MLEC: variants seen among roughly 807,000 people sequenced by gnomAD.
MLEC encodes the protein oligosaccharyltransferase complex subunit (non-catalytic).
MLEC carries 7 observed loss-of-function variants against 28.7 expected under a neutral mutation model. The observed-to-expected ratio is 0.24, with a 90% CI of 0.14 to 0.46. The LOEUF (loss-of-function observed/expected upper bound fraction) is 0.46, where lower values mean the gene tolerates loss of function less well. Among genes scored for constraint, MLEC ranks in the 20% least tolerant of loss-of-function variants. The probability of loss-of-function intolerance (pLI) is 0.99; values close to 1 mark genes in which losing one functional copy is unlikely to be tolerated. For synonymous variants in MLEC, 142 were observed against 164.4 expected (o/e 0.86, Z 1.04); for missense variants, 237 against 391.1 (o/e 0.61, Z 3.32).
Position 120,694,223 on chromosome 12 carries a change from T to C in MLEC, c.368T>C (p.Leu123Pro). The change falls in exon 2 of 5, where the codon CTG becomes CCG. Residue 123 changes from leucine to proline, a missense_variant. Transcript: ENST00000228506. This position sits in a 1 kb window ranked among gnomAD's most constrained non-coding sequence, Gnocchi z 4.5. ...VPIKEEGDYV[L>P]VLKFAEVYFA... ...ATCAAAGAGGAGGGGGACTACGTGC[T>C]GGTCTTGAAATTTGCAGAGGTCTAC... The C allele has an allele frequency of 6.2e-7, 1 of 1,614,190 alleles. No homozygotes were observed. Among genetic ancestry groups the C allele is most frequent in the Non-Finnish European group, 8.5e-7 (1 of 1,180,030 alleles).
chr12:120,695,725 T>C (rs1882206823), intron 4 of MLEC, among the ~76,000 whole-genome samples: 1 of 152,204 alleles, frequency 6.6e-6, no homozygotes, highest in Admixed American at 6.5e-5. Context: ...CTTTGTGACA[T>C]TTCTCCCCCA....
At chr12:120,691,350 A>G (rs189258359) in intron 1 of MLEC, among the ~76,000 whole-genome samples, 3 of 152,226 alleles carry the variant, frequency 2.0e-5, no homozygotes, top group African/African-American at 7.2e-5. Context: ...ATGCTGTGGG[A>G]TAGGTGGTGT....
chr12:120,695,007 C>G lies in MLEC; in HGVS notation c.591+7C>G. 1 of 1,614,048 alleles carries G rather than the reference C, an allele frequency of 6.2e-7. No homozygotes were observed. Among genetic ancestry groups the G allele is most frequent in the Non-Finnish European group, 8.5e-7 (1 of 1,179,978 alleles). On this transcript the variant is annotated splice_region_variant and intron_variant, in intron 3 of 4. Transcript: ENST00000228506. ...CTACATTGAGTTTGTCAAGGTAATT[C>G]CCCTATTCTGCCCATTGCTGAAGAG...
In MLEC at chr12:120,687,379, G is replaced by A. The variant is rs994519222; in HGVS notation, c.83G>A (p.Gly28Glu). ...LLLLLPPAIRGPGLGVAGVAG... is the reference protein window; with the variant it reads ...LLLLLPPAIREPGLGVAGVAG... ...CTGCTGCTGCCGCCGGCGATCCGGG[G>A]ACCCGGGCTCGGCGTGGCCGGCGTG... Residue 28 changes from glycine to glutamate, a missense_variant, in exon 1 of 5, where the codon GGA (glycine) becomes GAA (glutamate). Transcript: ENST00000228506. This position sits in a 1 kb window ranked among gnomAD's most constrained non-coding sequence, Gnocchi z 8.1. 4.4e-6 allele frequency: 6 copies of A among 1,372,312 alleles called. No individual in the cohort carries two copies. Among genetic ancestry groups the A allele is most frequent in the Non-Finnish European group, 5.6e-6 (6 of 1,063,068 alleles). The allele number at this position is 1,372,312 out of a possible 1,614,324, so 85.0% of individuals were successfully genotyped here.
In MLEC at chr12:120,694,361, C is replaced by A; in HGVS notation, c.414+92C>A. The A allele has an allele frequency of 7.5e-7, 1 of 1,332,470 alleles. No homozygotes were observed. The highest frequency in any genetic ancestry group is 1.0e-6 in the Non-Finnish European group (1 of 961,418). The allele number at this position is 1,332,470 out of a possible 1,614,324, so 82.5% of individuals were successfully genotyped here. The stretch of plus-strand genomic sequence containing the variant: ...GGGGCTAGAGAGTGTGAGAGTCTCT[C>A]CAGAAAGGCAGAACAGATGAGCTCT... On this transcript the variant is annotated intron_variant, in intron 2 of 4. Transcript: ENST00000228506. This position sits in a 1 kb window ranked among gnomAD's most constrained non-coding sequence, Gnocchi z 4.5.
rs1882180718 is a variant in MLEC, at chr12:120,695,102, A to G, written c.599A>G (p.Tyr200Cys). ...KLYIEFVKGY[Y>C]DNPKVCALYI... ...CTGTTTCCCTTTTCCTAGGGGTACTATGACAATCCCAAGGTCTGTGCACTC... is the reference window on the plus strand; with the variant it reads ...CTGTTTCCCTTTTCCTAGGGGTACTGTGACAATCCCAAGGTCTGTGCACTC... The change falls in exon 4 of 5, where the codon TAT becomes TGT. Residue 200 changes from tyrosine to cysteine, a missense_variant. Physicochemically the swap from Tyr to Cys is radical, Grantham distance 194 (BLOSUM62 -2). Coordinates refer to ENST00000228506, the MANE Select transcript of MLEC (RefSeq NM_014730.4). 3.7e-6 allele frequency: 6 copies of G among 1,614,176 alleles called. No homozygotes were observed. The highest frequency in any genetic ancestry group is 5.1e-6 in the Non-Finnish European group (6 of 1,180,034).
chr12:120,693,728 C>T (rs1388063055), intron 1 of MLEC, among the ~76,000 whole-genome samples: 1 of 152,170 alleles, frequency 6.6e-6, no homozygotes, highest in Non-Finnish European at 1.5e-5. Context: ...TGAAGCCCTC[C>T]CTCTTGGGGA....
intron 1 of MLEC, 105 bp from the exon 2 acceptor site, chr12:120,693,986 A>C (rs1338814327): frequency 9.5e-7 from 1 of 1,052,522 alleles, no homozygotes; most frequent in Non-Finnish European, 1.3e-6. Flanking sequence ...TTTTATGGAG[A>C]GGGTTATTAG....
intron 1 of MLEC, among the ~76,000 whole-genome samples, chr12:120,691,582 T>C (rs975875070): frequency 2.6e-5 from 4 of 152,232 alleles, no homozygotes; most frequent in Non-Finnish European, 5.9e-5. Flanking sequence ...GTACACTTCA[T>C]TGTATTTTAG....
Position 120,696,513 on chromosome 12 carries a change from A to G in MLEC, c.847A>G (p.Ile283Val). ...FPILVAFGVF[I>V]PTLFCLCRL ...CATCCTGGTGGCCTTCGGAGTCTTC[A>G]TTCCAACCCTCTTCTGCCTCTGCCG... is the stretch of plus-strand genomic sequence containing the variant. Residue 283 changes from isoleucine to valine, a missense_variant, in exon 5 of 5, where the codon ATT becomes GTT. Physicochemically the swap from Ile to Val is conservative, Grantham distance 29 (BLOSUM62 3). Transcript: ENST00000228506. The surrounding 1 kb of genome is among the most constrained non-coding windows in gnomAD (Gnocchi z 5.4). 1.2e-6 allele frequency: 2 copies of G among 1,614,198 alleles called. No homozygotes were observed.
At position 120,687,591 on chromosome 12, in the gene MLEC, C is replaced by CG; in HGVS notation, c.235+65dup. The CG allele has an allele frequency of 7.7e-7, 1 of 1,306,002 alleles. No homozygotes were observed. The allele number at this position is 1,306,002 out of a possible 1,614,324, so 80.9% of individuals were successfully genotyped here. A position where few individuals can be genotyped will look rare whatever the true frequency, so the allele number is the denominator to read the frequency against. On this transcript the variant is annotated intron_variant, in intron 1 of 4. Transcript: ENST00000228506. This position sits in a 1 kb window ranked among gnomAD's most constrained non-coding sequence, Gnocchi z 8.1. ...GCCTGCTGTGCTGGGCGCAGCCGGC[C>CG]GGGGGCTGCGGGCCCCGAGCCCCTT...
At chr12:120,689,204 GGTGTGTGTGT>G (rs63092860) in intron 1 of MLEC, among the ~76,000 whole-genome samples, 36 of 149,080 alleles carry the variant, frequency 2.4e-4, no homozygotes, top group Admixed American at 2.7e-4. Flanking sequence ...TGATGCAGGT[GGTGTGTGTGT>G]GTGTGTGTGT....
chr12:120,691,883 G>C (rs1346308731), intron 1 of MLEC, among the ~76,000 whole-genome samples: 1 of 152,156 alleles, frequency 6.6e-6, no homozygotes, highest in Non-Finnish European at 1.5e-5. Flanking sequence ...GATTCGGCCT[G>C]GTGTGGTGGC....
Position 120,696,642 on chromosome 12 carries a change from A to G in MLEC, c.*97A>G. 1 of 1,519,486 alleles carries G rather than the reference A, an allele frequency of 6.6e-7. No homozygotes were observed. The highest frequency in any genetic ancestry group is 8.9e-7 in the Non-Finnish European group (1 of 1,126,644). The allele number at this position is 1,519,486 out of a possible 1,614,324, so 94.1% of individuals were successfully genotyped here. A position where few individuals can be genotyped will look rare whatever the true frequency, so the allele number is the denominator to read the frequency against. On this transcript the variant is annotated 3_prime_UTR_variant, in exon 5 of 5. Transcript: ENST00000228506. The surrounding 1 kb of genome is among the most constrained non-coding windows in gnomAD (Gnocchi z 5.4). Reference sequence around the variant, plus strand: ...TATTTTTCACAATGATTAATGAACAAAAACAAAGAGAAAAAAACACACATC... The same window carrying G: ...TATTTTTCACAATGATTAATGAACAGAAACAAAGAGAAAAAAACACACATC...
rs1019480619 is a variant in MLEC at position 120,697,068 on chromosome 12, AT to A, written c.*525del. The A allele has an allele frequency of 5.2e-5, 8 of 152,910 alleles. No individual in the cohort carries two copies. Among genetic ancestry groups the A allele is most frequent in the African/African-American group, 1.7e-4 (7 of 41,416 alleles). The allele number at this position is 152,910 out of a possible 1,614,324, so 9.5% of individuals were successfully genotyped here. A position where few individuals can be genotyped will look rare whatever the true frequency, so the allele number is the denominator to read the frequency against. On this transcript the variant is annotated 3_prime_UTR_variant, in exon 5 of 5. Coordinates refer to ENST00000228506, the MANE Select transcript of MLEC (RefSeq NM_014730.4). This position sits in a 1 kb window ranked among gnomAD's most constrained non-coding sequence, Gnocchi z 4.8. Reference sequence around the variant, plus strand: ...AAGACTTAAAAAAAAAAGTAGGGAGATTAAAAAAAAAGAAAGAAAATGCTTC... The same window carrying A: ...AAGACTTAAAAAAAAAAGTAGGGAGATAAAAAAAAAGAAAGAAAATGCTTC...
In MLEC at chr12:120,696,380, A is replaced by T; in HGVS notation, c.714A>T (p.Glu238Asp). Residue 238 changes from glutamate to aspartate, a missense_variant, in exon 5 of 5, where the codon GAA becomes GAT. Coordinates refer to ENST00000228506, the MANE Select transcript of MLEC (RefSeq NM_014730.4). The surrounding 1 kb of genome is among the most constrained non-coding windows in gnomAD (Gnocchi z 5.4). ...AAGAAGAGGAAGAAGAAGAAGAAGAATATGATGAAGGGTCTAATCTCAAAA... is the reference window on the plus strand; with the variant it reads ...AAGAAGAGGAAGAAGAAGAAGAAGATTATGATGAAGGGTCTAATCTCAAAA... ...EKKEEEEEEEEYDEGSNLKKQ... is the reference protein window; with the variant it reads ...EKKEEEEEEEDYDEGSNLKKQ... The T allele has an allele frequency of 6.2e-7, 1 of 1,614,176 alleles. No individual in the cohort carries two copies. The highest frequency in any genetic ancestry group is 8.5e-7 in the Non-Finnish European group (1 of 1,180,018).
rs572997770 is a variant in MLEC at position 120,699,839 on chromosome 12, G to C, written c.*3294G>C. Reference sequence around the variant, plus strand: ...GCGGGCATTTAGGCTTTGATGAGAGGGCACAGTTTGAGTTAGGTTTACCTC... The same window carrying C: ...GCGGGCATTTAGGCTTTGATGAGAGCGCACAGTTTGAGTTAGGTTTACCTC... On this transcript the variant is annotated 3_prime_UTR_variant, in exon 5 of 5. Transcript: ENST00000228506. The C allele has an allele frequency of 5.2e-5, 8 of 152,708 alleles. No homozygotes were observed. Among genetic ancestry groups the C allele is most frequent in the Non-Finnish European group, 8.8e-5 (6 of 68,038 alleles). The allele number at this position is 152,708 out of a possible 1,614,324, so 9.5% of individuals were successfully genotyped here. A position where few individuals can be genotyped will look rare whatever the true frequency, so the allele number is the denominator to read the frequency against.
Position 120,698,901 on chromosome 12 carries a change from T to A in MLEC, c.*2356T>A, listed in dbSNP as rs1882339325. The A allele has an allele frequency of 6.6e-6, 1 of 152,550 alleles. No individual in the cohort carries two copies. The highest frequency in any genetic ancestry group is 2.4e-5 in the African/African-American group (1 of 41,408). 9.4% of individuals were successfully genotyped at this position (152,550 alleles called of 1,614,324 possible). ...TGGTTGTGAACGAAAGGAAGGAACA[T>A]CTTTCTATGGCTAACAAAAACTAAA... On this transcript the variant is annotated 3_prime_UTR_variant, in exon 5 of 5. Transcript: ENST00000228506.
chr12:120,687,164 G>A lies in MLEC; in HGVS notation c.-133G>A, dbSNP rs1237178656. 4 of 1,005,756 alleles carry A rather than the reference G, an allele frequency of 4.0e-6. No homozygotes were observed. The highest frequency in any genetic ancestry group is 7.0e-4 in the Middle Eastern group (2 of 2,868). 62.3% of individuals were successfully genotyped at this position (1,005,756 alleles called of 1,614,324 possible). A position where few individuals can be genotyped will look rare whatever the true frequency, so the allele number is the denominator to read the frequency against. Reference sequence around the variant, plus strand: ...GGCGGTACCCGTGGCTGAGAAGAAGGAGGCCTGAGAGCGACATGTCCCCGG... The same window carrying A: ...GGCGGTACCCGTGGCTGAGAAGAAGAAGGCCTGAGAGCGACATGTCCCCGG... On this transcript the variant is annotated 5_prime_UTR_variant, in exon 1 of 5. Transcript: ENST00000228506. The surrounding 1 kb of genome is among the most constrained non-coding windows in gnomAD (Gnocchi z 8.1).
Sources: gnomAD v4.1 joint callset for allele counts (sites outside exome capture counted in the v4.1 genomes callset) on GRCh38, gnomAD v4.1.1 for gene constraint, Gnocchi (gnomAD v3.1) non-coding constraint, MANE v1.5 for transcripts, NCBI Gene and HGNC (gene_info 2026-07-23, HGNC 2026-07-21) for gene names.